The following NRAP variants were observed in gnomAD, a reference collection of about 807,000 sequenced individuals.
The protein encoded by NRAP is nebulin-related-anchoring protein.
Under a neutral mutation model 225.9 loss-of-function variants are expected in NRAP, and 189 were observed. The observed-to-expected ratio is 0.84, with a 90% CI of 0.74 to 0.94. The LOEUF (loss-of-function observed/expected upper bound fraction) is 0.94. Among genes scored for constraint, NRAP ranks in the 40% least tolerant of loss-of-function variants. The pLI, the probability that NRAP is intolerant of heterozygous loss-of-function variation, is 0.00. For missense variants in NRAP, 2,176 were observed against 2,168.7 expected (o/e 1.00, Z -0.07); for synonymous variants, 769 against 790.7 (o/e 0.97, Z 0.46).
At chr10:113,593,497 G>T (rs552697107) in intron 38 of NRAP, among the ~76,000 whole-genome samples, 1 of 152,264 alleles carries the variant, frequency 6.6e-6, no homozygotes, top group East Asian at 1.9e-4. Flanking sequence ...AACACCCGAT[G>T]CCGTAAACCC....
intron 31 of NRAP, 74 bp downstream of exon 31, chr10:113,610,385 A>G: frequency 1.3e-6 from 1 of 771,308 alleles, no homozygotes; most frequent in South Asian, 1.6e-5. Flanking sequence ...GAAGAAAGAA[A>G]AAGGAAAGAA....
chr10:113,592,958 C>T (rs1846078702), intron 38 of NRAP, among the ~76,000 whole-genome samples: 2 of 152,196 alleles, frequency 1.3e-5, no homozygotes, highest in African/African-American at 2.4e-5. Context: ...CTCACACGCC[C>T]TCTGGGAGTC....
At chr10:113,611,324 C>A (rs949579767) in intron 30 of NRAP, among the ~76,000 whole-genome samples, 5 of 152,192 alleles carry the variant, frequency 3.3e-5, no homozygotes, top group African/African-American at 9.7e-5. Context: ...GACAGACACC[C>A]AGATCTGAGT....
intron 21 of NRAP, 54 bp downstream of exon 21, chr10:113,625,993 C>G (rs1564730692): frequency 7.8e-7 from 1 of 1,277,860 alleles, no homozygotes; most frequent in Non-Finnish European, 1.1e-6. Flanking sequence ...CCCTGGAGGT[C>G]CCCCAGGCCC....
Position 113,588,734 on chromosome 10 carries a change from A to C in NRAP, c.*241T>G, listed in dbSNP as rs186172374. On this transcript the variant is annotated 3_prime_UTR_variant, in exon 42 of 42. Coordinates refer to ENST00000359988, the MANE Select transcript of NRAP (RefSeq NM_198060.4). ...CAGCATCAGCGGGAACCACCATCAC[A>C]TCTTTATTCCTCAGCCCAGACACTC... The C allele has an allele frequency of 1.8e-6, 1 of 556,922 alleles. No homozygotes were observed. Among genetic ancestry groups the C allele is most frequent in the African/African-American group, 1.9e-5 (1 of 53,298 alleles). The allele number at this position is 556,922 out of a possible 1,614,324, so 34.5% of individuals were successfully genotyped here.
Position 113,646,164 on chromosome 10 carries a change from A to G in NRAP, c.994-223T>C, listed in dbSNP as rs531072053. Among the ~76,000 whole-genome samples the G allele has an allele frequency of 9.2e-5, 14 of 152,150 alleles. No individual in the cohort carries two copies. In the East Asian group the frequency reaches 2.7e-3, roughly 29 times the overall value. On this transcript the variant is annotated intron_variant, in intron 10 of 41. Coordinates refer to ENST00000359988, the MANE Select transcript of NRAP (RefSeq NM_198060.4). The stretch of plus-strand genomic sequence containing the variant: ...GCCCTTTTCACACTTTTTATACTTT[A>G]TACTCTAATTCTGCGTGGGAAAAAA...
chr10:113,611,982 G>A (rs1247367908), intron 30 of NRAP, among the ~76,000 whole-genome samples: 2 of 152,162 alleles, frequency 1.3e-5, no homozygotes, highest in East Asian at 3.8e-4. Context: ...CTAATGATAT[G>A]GGCTGATTGT....
At chr10:113,656,603 A>C (rs1237743937) in intron 4 of NRAP, among the ~76,000 whole-genome samples, 1 of 152,238 alleles carries the variant, frequency 6.6e-6, no homozygotes, top group Non-Finnish European at 1.5e-5. Flanking sequence ...TATTGTGCCT[A>C]CCACTGTTCT....
intron 38 of NRAP, among the ~76,000 whole-genome samples, chr10:113,593,064 A>G (rs1554850492): frequency 6.6e-6 from 1 of 151,934 alleles, no homozygotes; most frequent in Non-Finnish European, 1.5e-5. Context: ...TTTTTTTTCA[A>G]GATAAGGGAA....
At position 113,590,819 on chromosome 10, in the gene NRAP, G is replaced by C; in HGVS notation, c.4715C>G (p.Pro1572Arg). ...AACGTTGAGGAAATGCTTCATCCTT[G>C]GGTCATCGTCGACACTGCGGTACCC... is the stretch of plus-strand genomic sequence containing the variant. ...QIGYRSVDDD[P>R]RMKHFLNVGR... The change falls in exon 40 of 42, where the codon CCA becomes CGA. Residue 1572 changes from proline (P) to arginine (R), a missense_variant. Pro to Arg is a moderately radical substitution (Grantham distance 103). Coordinates refer to ENST00000359988, the MANE Select transcript of NRAP (RefSeq NM_198060.4). 1 of 1,614,198 alleles carries C rather than the reference G, an allele frequency of 6.2e-7. No homozygotes were observed. Among genetic ancestry groups the C allele is most frequent in the Non-Finnish European group, 8.5e-7 (1 of 1,180,028 alleles).
intron 19 of NRAP, 60 bp downstream of exon 19, chr10:113,629,528 T>G: frequency 8.3e-7 from 1 of 1,203,058 alleles, no homozygotes; most frequent in Non-Finnish European, 1.2e-6. Context: ...TTGAAATCAC[T>G]CTGAAAGCAT....
intron 23 of NRAP, 135 bp from the exon 24 acceptor site, chr10:113,622,315 C>T: frequency 3.2e-6 from 2 of 622,980 alleles, no homozygotes; most frequent in South Asian, 4.3e-5. Context: ...TGAAAGTTTG[C>T]CTTTTTGAGC....
At chr10:113,630,660 A>G (rs1848529216) in intron 18 of NRAP, among the ~76,000 whole-genome samples, 1 of 152,200 alleles carries the variant, frequency 6.6e-6, no homozygotes, top group Admixed American at 6.5e-5. Context: ...TGAAACACCA[A>G]TGTGTTCTGT....
chr10:113,621,685 A>T (rs891990756), intron 24 of NRAP, among the ~76,000 whole-genome samples, 184 bp downstream of exon 24: 6 of 152,240 alleles, frequency 3.9e-5, no homozygotes, highest in Non-Finnish European at 7.3e-5. Flanking sequence ...TACAGAACCT[A>T]AAATCGGTCT....
chr10:113,589,240 C>T, intron 41 of NRAP, 161 bp from the exon 42 acceptor site: 1 of 612,588 alleles, frequency 1.6e-6, no homozygotes, highest in East Asian at 2.8e-5. Flanking sequence ...AAAGGGCCTT[C>T]AAGGCAGGAA....
chr10:113,637,590 A>C (rs1848948416), intron 14 of NRAP, among the ~76,000 whole-genome samples: 1 of 152,236 alleles, frequency 6.6e-6, no homozygotes, highest in Non-Finnish European at 1.5e-5. Flanking sequence ...AGTGCTCCTG[A>C]CAATGGGCCG....
chr10:113,657,336 T>G, intron 4 of NRAP, 134 bp downstream of exon 4: 2 of 625,048 alleles, frequency 3.2e-6, no homozygotes, highest in South Asian at 3.9e-5. Context: ...AGGTCTTCCA[T>G]AGACAGCTGG....
chr10:113,590,559 G>A lies in NRAP; in HGVS notation c.4956+19C>T. On this transcript the variant is annotated intron_variant, in intron 40 of 41. Transcript: ENST00000359988. ...GCACCAGGGGAAGGGCCTCAAGGGA[G>A]TGGGTGGAGGTGGCTCACATCACTC... The A allele has an allele frequency of 6.2e-7, 1 of 1,601,880 alleles. No individual in the cohort carries two copies. Among genetic ancestry groups the A allele is most frequent in the Non-Finnish European group, 8.5e-7 (1 of 1,175,990 alleles).
intron 35 of NRAP, among the ~76,000 whole-genome samples, chr10:113,602,244 T>C (rs1369177113): frequency 6.6e-6 from 1 of 152,214 alleles, no homozygotes; most frequent in Non-Finnish European, 1.5e-5. Flanking sequence ...GGACACACAG[T>C]GACAGAGCTG....
Sources: allele counts gnomAD v4.1 joint callset (sites outside exome capture counted in the v4.1 genomes callset), GRCh38; gene constraint gnomAD v4.1.1; transcripts MANE v1.5; gene names NCBI Gene and HGNC (gene_info 2026-07-23, HGNC 2026-07-21).